Variants in SCHIP1 observed in about 807,000 individuals in gnomAD.
The protein encoded by SCHIP1 is schwannomin-interacting protein 1.
In SCHIP1, 8 loss-of-function variants were observed where a neutral mutation model predicts 29.7. The ratio of observed to expected loss-of-function variants is 0.27; its 90% confidence interval spans 0.16 to 0.49. The LOEUF is 0.49. Among genes scored for constraint, SCHIP1 ranks in the 20% least tolerant of loss-of-function variants. SCHIP1 has a pLI of 0.99. For synonymous variants in SCHIP1, 76 were observed against 94.9 expected, an observed-to-expected ratio of 0.80 and a Z score of 1.16; for missense variants, 193 against 294.6, an observed-to-expected ratio of 0.66 and a Z score of 2.52.
At chr3:159,540,508 G>A in the SCHIP1 span, among the ~76,000 whole-genome samples, 3 of 152,066 alleles carry the variant, frequency 2.0e-5, no homozygotes, top group Non-Finnish European at 4.4e-5. Context: ...GCCTCCAAGG[G>A]AAGGCACTTT....
chr3:159,351,575 CTTATTTTAAAATTTTTATT>C, the SCHIP1 span, among the ~76,000 whole-genome samples: 1 of 151,786 alleles, frequency 6.6e-6, no homozygotes, highest in Non-Finnish European at 1.5e-5. Context: ...AAATTTTTAT[CTTATTTTAAAATTTTTATT>C]TTAGTGCTGC....
At chr3:159,328,919 A>G in the SCHIP1 span, among the ~76,000 whole-genome samples, 2 of 152,196 alleles carry the variant, frequency 1.3e-5, no homozygotes, top group Admixed American at 1.3e-4. Flanking sequence ...TTTCTCATGT[A>G]TAAAATGAGA....
the SCHIP1 span, among the ~76,000 whole-genome samples, chr3:159,507,251 T>C: frequency 6.6e-6 from 1 of 151,938 alleles, no homozygotes; most frequent in East Asian, 1.9e-4. Flanking sequence ...AGTTCACTCA[T>C]GATTTGGCAT....
chr3:159,324,030 A>G, the SCHIP1 span, among the ~76,000 whole-genome samples: 2 of 152,128 alleles, frequency 1.3e-5, no homozygotes, highest in South Asian at 2.1e-4. Context: ...CCGGATTGTT[A>G]CTAGAGATAG....
the SCHIP1 span, among the ~76,000 whole-genome samples, chr3:159,631,126 A>G: frequency 6.6e-6 from 1 of 152,118 alleles, no homozygotes; most frequent in Non-Finnish European, 1.5e-5. Context: ...CCACAGTAAG[A>G]TACTACTTAA....
At chr3:159,332,755 A>T in the SCHIP1 span, among the ~76,000 whole-genome samples, 6 of 152,188 alleles carry the variant, frequency 3.9e-5, no homozygotes, top group African/African-American at 1.4e-4. Context: ...AAAAGGATAT[A>T]TATGAGGGCC....
the SCHIP1 span, among the ~76,000 whole-genome samples, chr3:159,468,642 T>C: frequency 2.7e-5 from 4 of 148,664 alleles, no homozygotes; most frequent in Non-Finnish European, 5.9e-5. Flanking sequence ...AAAATAAAAT[T>C]ATTCTAAATT....
At chr3:159,834,883 T>C (rs1743521511), upstream of SCHIP1, among the ~76,000 whole-genome samples, 1 of 152,228 alleles carries the variant, frequency 6.6e-6, no homozygotes, top group African/African-American at 2.4e-5. Flanking sequence ...AGATATTTCA[T>C]TATGCATATG....
At chr3:159,770,324 A>G in the SCHIP1 span, among the ~76,000 whole-genome samples, 15 of 152,156 alleles carry the variant, frequency 9.9e-5, no homozygotes, top group Admixed American at 5.2e-4. Flanking sequence ...CAATGATGCT[A>G]TCTTGGCTCA....
the SCHIP1 span, among the ~76,000 whole-genome samples, chr3:159,379,912 T>G: frequency 6.6e-6 from 1 of 152,144 alleles, no homozygotes; most frequent in Admixed American, 6.5e-5. Context: ...AAATCAAGAA[T>G]GCTGTGGCCC....
the SCHIP1 span, among the ~76,000 whole-genome samples, chr3:159,618,435 TG>T: frequency 2.1e-5 from 3 of 143,472 alleles, no homozygotes; most frequent in Admixed American, 2.0e-4. Flanking sequence ...TTTCATATGC[TG>T]AACTGTTTAG....
At chr3:159,386,779 C>T in the SCHIP1 span, 2 of 152,312 alleles carry the variant, frequency 1.3e-5, no homozygotes, top group Non-Finnish European at 2.9e-5. Flanking sequence ...ATAGCTAGAA[C>T]TTGGGTCCTG....
At chr3:159,736,736 C>CTTTT in the SCHIP1 span, among the ~76,000 whole-genome samples, 2 of 141,664 alleles carry the variant, frequency 1.4e-5, no homozygotes, top group African/African-American at 2.6e-5. Context: ...AGCCCATATT[C>CTTTT]TTTTTTTTTT....
At chr3:159,673,109 G>C in the SCHIP1 span, among the ~76,000 whole-genome samples, 1 of 151,972 alleles carries the variant, frequency 6.6e-6, no homozygotes, top group Non-Finnish European at 1.5e-5. Context: ...AATGTTTCCC[G>C]CCTCCTCCAA....
chr3:159,294,080 G>A, the SCHIP1 span, among the ~76,000 whole-genome samples: 1 of 151,998 alleles, frequency 6.6e-6, no homozygotes, highest in East Asian at 1.9e-4. Context: ...GGACAGCATG[G>A]ACAAGTTAAC....
the SCHIP1 span, chr3:159,401,491 C>A: frequency 1.3e-5 from 4 of 319,802 alleles, no homozygotes; most frequent in Non-Finnish European, 1.8e-5. Flanking sequence ...ACCCTAATAC[C>A]AACCCTGTGT....
chr3:159,441,907 G>A, the SCHIP1 span, among the ~76,000 whole-genome samples: 3 of 151,890 alleles, frequency 2.0e-5, no homozygotes, highest in African/African-American at 7.3e-5. Context: ...ATGTTGCCCA[G>A]GCTGTTCTTG....
chr3:159,564,966 G>A, the SCHIP1 span, among the ~76,000 whole-genome samples: 1 of 152,166 alleles, frequency 6.6e-6, no homozygotes, highest in African/African-American at 2.4e-5. Flanking sequence ...TTCCTCTTCA[G>A]TATATATCTA....
the SCHIP1 span, among the ~76,000 whole-genome samples, chr3:159,601,209 C>G: frequency 2.0e-5 from 3 of 152,142 alleles, no homozygotes; most frequent in Non-Finnish European, 2.9e-5. Flanking sequence ...TCTGGGCAGC[C>G]TGCATGGTGT....
Sources: allele counts gnomAD v4.1 joint callset (sites outside exome capture counted in the v4.1 genomes callset), GRCh38; gene constraint gnomAD v4.1.1; transcripts MANE v1.5; gene names NCBI Gene and HGNC (gene_info 2026-07-23, HGNC 2026-07-21).